The following XKR9 variants were observed in gnomAD, a reference collection of about 807,000 sequenced individuals.
XKR9 encodes the protein XK-related protein 9.
A neutral mutation model predicts 32.0 loss-of-function variants in XKR9; 32 were observed. The ratio of observed to expected loss-of-function variants is 1.00; its 90% confidence interval spans 0.76 to 1.34. XKR9 has a LOEUF of 1.34. Among genes scored for constraint, XKR9 ranks in the 40% most tolerant of loss-of-function variants. XKR9 has a pLI of 0.00. For missense variants in XKR9, 546 were observed against 429.7 expected (o/e 1.27, Z -2.39); for synonymous variants, 168 against 143.4 (o/e 1.17, Z -1.22).
intron 4 of XKR9, among the ~76,000 whole-genome samples, chr8:70,712,982 G>A (rs891704721): frequency 3.9e-5 from 6 of 152,078 alleles, no homozygotes; most frequent in Non-Finnish European, 8.8e-5. Context: ...AAAAATCAGT[G>A]AGACTTGAAC....
At position 70,767,209 on chromosome 8, in the gene XKR9, G is replaced by A. The variant is rs528122280; in HGVS notation, n.353-22130G>A. Among the ~76,000 whole-genome samples, 99 of 152,256 alleles carry A rather than the reference G, an allele frequency of 6.5e-4. No homozygotes were observed. In the Middle Eastern group the frequency reaches 0.01, roughly 16 times the overall value. ...CTCTTTGTACCTCTGGTAGAATTCG[G>A]CTGTGAATCCGTCTGGACCTGGGAT... is the stretch of plus-strand genomic sequence containing the variant. On this transcript the variant is annotated intron_variant and non_coding_transcript_variant, in intron 2 of 3. Transcript: ENST00000520273.
chr8:71,060,911 T>G, the XKR9 span, among the ~76,000 whole-genome samples: 1 of 152,166 alleles, frequency 6.6e-6, no homozygotes, highest in African/African-American at 2.4e-5. Context: ...TTTATGATTC[T>G]AAATCACCAC....
chr8:70,758,943 C>T (rs965704429), intron 2 of XKR9, among the ~76,000 whole-genome samples: 2 of 152,138 alleles, frequency 1.3e-5, no homozygotes, highest in African/African-American at 4.8e-5. Flanking sequence ...TTACTTGTGA[C>T]CGTTTAGGAT....
At chr8:70,679,490 C>CTAGTAGG (rs904495671) in intron 2 of XKR9, among the ~76,000 whole-genome samples, 4 of 152,118 alleles carry the variant, frequency 2.6e-5, no homozygotes, top group African/African-American at 9.7e-5. Context: ...GGACACACAG[C>CTAGTAGG]TAGTAGGTAG....
At chr8:70,845,870 AGAAAATCTATTTAAT>A in the XKR9 span, among the ~76,000 whole-genome samples, 1 of 152,188 alleles carries the variant, frequency 6.6e-6, no homozygotes, top group Admixed American at 6.5e-5. Context: ...CCAAAGGCAT[AGAAAATCTATTTAAT>A]GAAACAATAT....
chr8:70,995,905 C>T, the XKR9 span, among the ~76,000 whole-genome samples: 12 of 152,194 alleles, frequency 7.9e-5, no homozygotes, highest in African/African-American at 2.4e-4. Context: ...ACTACAACCA[C>T]TTTCTCACTA....
the XKR9 span, among the ~76,000 whole-genome samples, chr8:70,832,674 T>C: frequency 6.6e-6 from 1 of 152,200 alleles, no homozygotes; most frequent in South Asian, 2.1e-4. Flanking sequence ...AGTTAACCCA[T>C]TTAATCCTCA....
the XKR9 span, among the ~76,000 whole-genome samples, chr8:70,928,947 G>T: frequency 6.6e-6 from 1 of 152,132 alleles, no homozygotes; most frequent in African/African-American, 2.4e-5. Context: ...TTTGGGAGTG[G>T]GCAGGAAATA....
chr8:70,871,729 A>T, the XKR9 span, among the ~76,000 whole-genome samples: 3 of 152,198 alleles, frequency 2.0e-5, no homozygotes, highest in East Asian at 5.8e-4. Flanking sequence ...ACAATGGCCT[A>T]TAAGTATTCA....
chr8:70,974,581 C>CTAG, the XKR9 span, among the ~76,000 whole-genome samples: 1 of 152,168 alleles, frequency 6.6e-6, no homozygotes, highest in Non-Finnish European at 1.5e-5. Flanking sequence ...CCCATCCTTT[C>CTAG]TTATGGCTGC....
intron 1 of XKR9, among the ~76,000 whole-genome samples, chr8:70,671,918 A>G (rs1272778360): frequency 3.9e-5 from 3 of 77,204 alleles, no homozygotes; most frequent in Non-Finnish European, 9.9e-5. Context: ...ATTCTTATAC[A>G]CCAACAACAG....
the XKR9 span, among the ~76,000 whole-genome samples, chr8:70,806,441 C>T: frequency 6.6e-6 from 1 of 152,066 alleles, no homozygotes; most frequent in Non-Finnish European, 1.5e-5. Flanking sequence ...AGAAGTAGGC[C>T]TGAAAAGACA....
At chr8:70,827,573 T>C in the XKR9 span, among the ~76,000 whole-genome samples, 2 of 152,214 alleles carry the variant, frequency 1.3e-5, no homozygotes, top group East Asian at 3.8e-4. Context: ...CCTCAAGACA[T>C]CTCTGTGGCC....
At chr8:70,922,426 C>A in the XKR9 span, among the ~76,000 whole-genome samples, 1 of 152,174 alleles carries the variant, frequency 6.6e-6, no homozygotes, top group East Asian at 1.9e-4. Flanking sequence ...TTCCAATCCC[C>A]TTTTGGGGGG....
chr8:70,855,277 C>T, the XKR9 span, among the ~76,000 whole-genome samples: 3 of 151,928 alleles, frequency 2.0e-5, no homozygotes, highest in Non-Finnish European at 4.4e-5. Flanking sequence ...GCAGAAAAGT[C>T]CTTAAAGGAC....
the XKR9 span, among the ~76,000 whole-genome samples, chr8:70,910,195 A>G: frequency 1.3e-5 from 2 of 151,986 alleles, no homozygotes; most frequent in Admixed American, 6.5e-5. Flanking sequence ...GGCTCTCCCA[A>G]CAACTAAGTC....
chr8:70,671,725 A>G (rs268643), intron 1 of XKR9, among the ~76,000 whole-genome samples: 71,086 of 89,744 alleles, frequency 0.79, 31,661 homozygotes, highest in Middle Eastern at 0.9. Flanking sequence ...TCTTAATCCA[A>G]TCTATCATTG....
downstream of XKR9, among the ~76,000 whole-genome samples, chr8:70,791,312 TA>T (rs879762952): frequency 5.0e-3 from 713 of 142,382 alleles, 2 homozygotes; most frequent in Non-Finnish European, 4.7e-3. Context: ...TCATCTCACT[TA>T]AAAAAAAAAA....
intron 3 of XKR9, among the ~76,000 whole-genome samples, chr8:70,696,150 G>A (rs1479257128): frequency 6.6e-6 from 1 of 151,824 alleles, no homozygotes; most frequent in African/African-American, 2.4e-5. Context: ...CACTCTGATG[G>A]TAGTTTCTTT....
Sources: allele counts gnomAD v4.1 joint callset (sites outside exome capture counted in the v4.1 genomes callset), GRCh38; gene constraint gnomAD v4.1.1; transcripts MANE v1.5; gene names NCBI Gene and HGNC (gene_info 2026-07-23, HGNC 2026-07-21).